C8orf34: variants seen among roughly 807,000 people sequenced by gnomAD.
C8orf34 encodes chromosome 8 open reading frame 34.
Under a neutral mutation model 68.3 loss-of-function variants are expected in C8orf34, and 65 were observed. The observed-to-expected ratio is 0.95, with a 90% confidence interval of 0.78 to 1.17. The LOEUF is 1.17. Among genes scored for constraint, C8orf34 ranks in the 50% most tolerant of loss-of-function variants. The pLI is 0.00. For synonymous variants in C8orf34, 244 were observed against 241.2 expected (o/e 1.01, Z -0.11); for missense variants, 664 against 655.4 (o/e 1.01, Z -0.14).
At chr8:68,687,418 T>C (rs772660836) in intron 8 of C8orf34, among the ~76,000 whole-genome samples, 26 of 152,172 alleles carry the variant, frequency 1.7e-4, no homozygotes, top group Non-Finnish European at 3.1e-4. Flanking sequence ...AATAGGATCT[T>C]AGACCAATGG....
intron 7 of C8orf34, chr8:68,535,206 G>A (rs1815412262): frequency 2.0e-6 from 2 of 981,476 alleles, no homozygotes; most frequent in African/African-American, 1.7e-5. Context: ...CTAAGTTCTT[G>A]GAAATTTATG....
intron 7 of C8orf34, among the ~76,000 whole-genome samples, chr8:68,570,162 C>T (rs752068355): frequency 6.6e-6 from 1 of 152,200 alleles, no homozygotes; most frequent in Non-Finnish European, 1.5e-5. Flanking sequence ...CTGAACATGA[C>T]CTGAACATTG....
chr8:68,526,900 G>T (rs1045178617), intron 6 of C8orf34, among the ~76,000 whole-genome samples: 1 of 152,166 alleles, frequency 6.6e-6, no homozygotes, highest in Non-Finnish European at 1.5e-5. Flanking sequence ...GTCAGGAGGA[G>T]GAGGGCCAGT....
At chr8:68,632,751 G>T (rs937043864) in intron 7 of C8orf34, among the ~76,000 whole-genome samples, 1 of 152,106 alleles carries the variant, frequency 6.6e-6, no homozygotes, top group Non-Finnish European at 1.5e-5. Context: ...GGCTAAAAGG[G>T]GCCAAGGTAC....
At chr8:68,330,544 C>A (rs527546784), upstream of C8orf34, among the ~76,000 whole-genome samples, 2 of 152,278 alleles carry the variant, frequency 1.3e-5, no homozygotes, top group South Asian at 4.1e-4. Flanking sequence ...GTAGGCAGGG[C>A]AGAAGGTGCT....
intron 10 of C8orf34, among the ~76,000 whole-genome samples, chr8:68,769,981 G>A (rs571300547): frequency 1.3e-5 from 2 of 152,250 alleles, no homozygotes; most frequent in East Asian, 3.9e-4. Flanking sequence ...GAAAGACAAG[G>A]TAGAAGTACA....
At chr8:68,587,478 C>G (rs1817242482) in intron 7 of C8orf34, among the ~76,000 whole-genome samples, 1 of 151,814 alleles carries the variant, frequency 6.6e-6, no homozygotes, top group Non-Finnish European at 1.5e-5. Context: ...TGGCTCTGGC[C>G]CTTTTTGAAC....
At chr8:68,586,703 G>A (rs1484194885) in intron 7 of C8orf34, among the ~76,000 whole-genome samples, 2 of 152,044 alleles carry the variant, frequency 1.3e-5, no homozygotes, top group Non-Finnish European at 2.9e-5. Flanking sequence ...AATAAAGATC[G>A]ACTTCTTTCC....
intron 4 of C8orf34, among the ~76,000 whole-genome samples, chr8:68,471,803 A>T (rs755512486): frequency 5.3e-5 from 8 of 152,082 alleles, no homozygotes; most frequent in Non-Finnish European, 8.8e-5. Context: ...CGGTCTAAAA[A>T]AATCCTACAT....
intron 12 of C8orf34, among the ~76,000 whole-genome samples, chr8:68,793,576 A>G (rs1360799579): frequency 6.6e-6 from 1 of 152,208 alleles, no homozygotes. Context: ...AGAAAACCAA[A>G]CACCAAGTGT....
chr8:68,783,345 C>A (rs1002945831), intron 11 of C8orf34, among the ~76,000 whole-genome samples: 6 of 151,896 alleles, frequency 4.0e-5, no homozygotes, highest in Admixed American at 2.0e-4. Flanking sequence ...TGGTGAAACC[C>A]CGTCTCTACT....
intron 7 of C8orf34, among the ~76,000 whole-genome samples, chr8:68,556,558 T>C (rs968220997): frequency 6.6e-6 from 1 of 152,102 alleles, no homozygotes; most frequent in Admixed American, 6.6e-5. Context: ...AGGCATAGCC[T>C]GACTCAGCAA....
At chr8:68,795,097 C>A (rs1824139532) in intron 12 of C8orf34, among the ~76,000 whole-genome samples, 1 of 152,030 alleles carries the variant, frequency 6.6e-6, no homozygotes, top group African/African-American at 2.4e-5. Context: ...TGCTGTTGAG[C>A]CCTTCTAGTG....
At chr8:68,539,471 T>C (rs1054228902) in intron 7 of C8orf34, among the ~76,000 whole-genome samples, 1 of 152,234 alleles carries the variant, frequency 6.6e-6, no homozygotes, top group African/African-American at 2.4e-5. Context: ...AAAAATCAAA[T>C]GTATAACTAT....
intron 8 of C8orf34, among the ~76,000 whole-genome samples, chr8:68,684,422 C>A (rs1329870071): frequency 6.6e-6 from 1 of 152,130 alleles, no homozygotes; most frequent in Non-Finnish European, 1.5e-5. Flanking sequence ...GGGATCACAA[C>A]AAATTCTAGT....
chr8:68,716,489 A>T (rs1017190247), intron 9 of C8orf34, among the ~76,000 whole-genome samples: 3 of 152,188 alleles, frequency 2.0e-5, no homozygotes, highest in African/African-American at 7.2e-5. Flanking sequence ...ATGAATATAC[A>T]TTTTACAGAG....
chr8:68,490,064 T>A (rs1219808959), intron 5 of C8orf34, among the ~76,000 whole-genome samples: 3 of 152,212 alleles, frequency 2.0e-5, no homozygotes, highest in Non-Finnish European at 4.4e-5. Flanking sequence ...TCTGCTTTTC[T>A]AGTCCCCCCT....
At chr8:68,417,624 G>A (rs866833740) in intron 1 of C8orf34, among the ~76,000 whole-genome samples, 1 of 152,068 alleles carries the variant, frequency 6.6e-6, no homozygotes, top group Admixed American at 6.6e-5. Flanking sequence ...GAAGAGTTTA[G>A]TATTGGTGGA....
intron 8 of C8orf34, among the ~76,000 whole-genome samples, chr8:68,679,294 A>C (rs1820292010): frequency 6.6e-6 from 1 of 152,078 alleles, no homozygotes. Flanking sequence ...CTAAAAACAA[A>C]ACAAAACAAA....
Sources: allele counts gnomAD v4.1 joint callset (sites outside exome capture counted in the v4.1 genomes callset), GRCh38; gene constraint gnomAD v4.1.1; transcripts MANE v1.5; gene names NCBI Gene and HGNC (gene_info 2026-07-23, HGNC 2026-07-21).